The following STK32B variants were observed in gnomAD, a reference collection of about 807,000 sequenced individuals.
The protein encoded by STK32B is serine/threonine-protein kinase 32B.
A neutral mutation model predicts 52.6 loss-of-function variants in STK32B; 43 were observed. The observed-to-expected ratio is 0.82, with a 90% confidence interval of 0.64 to 1.05. The LOEUF is 1.05. STK32B is among the 50% of genes least tolerant of loss of function. The pLI, the probability that STK32B is intolerant of heterozygous loss-of-function variation, is 0.00. For synonymous variants in STK32B, 238 were observed against 204.3 expected (o/e 1.17, Z -1.41); for missense variants, 621 against 534.6 (o/e 1.16, Z -1.59).
intron 4 of STK32B, among the ~76,000 whole-genome samples, chr4:5,377,091 T>C (rs979619583): frequency 1.3e-5 from 2 of 152,192 alleles, no homozygotes; most frequent in African/African-American, 4.8e-5. Context: ...CACTTCATCC[T>C]GAGGACTGCA....
intron 9 of STK32B, among the ~76,000 whole-genome samples, chr4:5,462,388 G>C (rs967498578): frequency 2.0e-4 from 30 of 148,506 alleles, no homozygotes; most frequent in Non-Finnish European, 4.3e-4. Context: ...CTGTGCATCT[G>C]TGTGTGTGTG....
At chr4:5,239,810 G>C (rs1258757237) in intron 3 of STK32B, among the ~76,000 whole-genome samples, 1 of 151,462 alleles carries the variant, frequency 6.6e-6, no homozygotes, top group African/African-American at 2.4e-5. Context: ...TCTGGTCCCT[G>C]GTCTCCAACT....
chr4:5,480,703 G>C (rs1718619569), intron 11 of STK32B, among the ~76,000 whole-genome samples: 1 of 151,924 alleles, frequency 6.6e-6, no homozygotes, highest in Non-Finnish European at 1.5e-5. Context: ...TTTAACATTA[G>C]GTATATCTCC....
chr4:5,171,172 A>G (rs1719340339), intron 3 of STK32B, among the ~76,000 whole-genome samples: 1 of 151,188 alleles, frequency 6.6e-6, no homozygotes, highest in Admixed American at 6.6e-5. Flanking sequence ...TTTTCTTGTA[A>G]ATTTGTTTGA....
intron 6 of STK32B, among the ~76,000 whole-genome samples, chr4:5,432,626 A>G (rs907929256): frequency 2.0e-5 from 3 of 152,168 alleles, no homozygotes; most frequent in Non-Finnish European, 4.4e-5. Context: ...AATATAGTAT[A>G]TCCTATTCTT....
chr4:5,281,410 G>A (rs1440810398), intron 3 of STK32B, among the ~76,000 whole-genome samples: 1 of 152,056 alleles, frequency 6.6e-6, no homozygotes, highest in Non-Finnish European at 1.5e-5. Context: ...ATGGACAAAG[G>A]GAGGGGAACA....
chr4:5,093,601 T>C (rs975117131), intron 1 of STK32B, among the ~76,000 whole-genome samples: 2 of 152,116 alleles, frequency 1.3e-5, no homozygotes, highest in Admixed American at 6.5e-5. Context: ...TTAGGAGATA[T>C]ACCTAATGTT....
chr4:5,484,347 CTTCT>C (rs1254257908), intron 11 of STK32B, among the ~76,000 whole-genome samples: 3 of 151,984 alleles, frequency 2.0e-5, no homozygotes, highest in African/African-American at 4.8e-5. Context: ...ATGTAATGGC[CTTCT>C]TTGTCTCTTT....
chr4:5,495,164 AG>A (rs1466463552), intron 11 of STK32B, among the ~76,000 whole-genome samples: 2 of 152,198 alleles, frequency 1.3e-5, no homozygotes, highest in Non-Finnish European at 2.9e-5. Flanking sequence ...AATATCCTGC[AG>A]AGTGTTTTCC....
intron 6 of STK32B, among the ~76,000 whole-genome samples, chr4:5,425,026 G>A (rs906409449): frequency 2.0e-5 from 3 of 152,190 alleles, no homozygotes; most frequent in Non-Finnish European, 4.4e-5. Context: ...GGAGGGAGCC[G>A]GCGCTCGTGC....
intron 1 of STK32B, among the ~76,000 whole-genome samples, chr4:5,064,155 T>G (rs960387884): frequency 6.6e-6 from 1 of 151,154 alleles, no homozygotes; most frequent in South Asian, 2.1e-4. Context: ...TTTAATTTAG[T>G]CATACTTATT....
At chr4:5,024,012 A>C in the STK32B span, among the ~76,000 whole-genome samples, 1 of 152,196 alleles carries the variant, frequency 6.6e-6, no homozygotes, top group Admixed American at 6.5e-5. Flanking sequence ...GGTTTTCTGG[A>C]AAGTGCAATT....
intron 2 of STK32B, among the ~76,000 whole-genome samples, chr4:5,145,569 A>G (rs567420722): frequency 2.0e-5 from 3 of 152,342 alleles, no homozygotes; most frequent in African/African-American, 4.8e-5. Flanking sequence ...TCTAAAATTT[A>G]GTATAAAATG....
rs79056531 is a variant in STK32B, at chr4:5,319,427, A to C, written c.261-11793A>C. 3.3e-5 allele frequency among the ~76,000 whole-genome samples: 5 copies of C among 152,108 alleles called. No individual in the cohort carries two copies. The South Asian group carries it at 1.0e-3, about 32-fold the overall frequency. Reference sequence around the variant, plus strand: ...GCCAGAGCAGCTGTTCCAAAACTCAAATCTGACAAGGACTTTCTCCTGTTT... The same window carrying C: ...GCCAGAGCAGCTGTTCCAAAACTCACATCTGACAAGGACTTTCTCCTGTTT... On this transcript the variant is annotated intron_variant, in intron 3 of 11. Transcript: ENST00000282908.
At chr4:5,220,790 G>A (rs936449817) in intron 3 of STK32B, among the ~76,000 whole-genome samples, 1 of 152,154 alleles carries the variant, frequency 6.6e-6, no homozygotes, top group East Asian at 1.9e-4. Context: ...GAGGCAGGGA[G>A]GTCGTGAGAT....
intron 1 of STK32B, among the ~76,000 whole-genome samples, chr4:5,118,027 C>T (rs1360128968): frequency 6.6e-6 from 1 of 152,088 alleles, no homozygotes; most frequent in East Asian, 1.9e-4. Context: ...TTTCTTGTAG[C>T]GTCCTTGTCT....
At chr4:5,473,377 C>T (rs952703534) in intron 11 of STK32B, among the ~76,000 whole-genome samples, 9 of 152,202 alleles carry the variant, frequency 5.9e-5, no homozygotes, top group Non-Finnish European at 8.8e-5. Flanking sequence ...CAGTGGCAGG[C>T]GTGGCATAGA....
intron 3 of STK32B, among the ~76,000 whole-genome samples, chr4:5,207,144 G>A (rs972511885): frequency 1.3e-5 from 2 of 152,120 alleles, no homozygotes; most frequent in African/African-American, 4.8e-5. Flanking sequence ...TGGAACAGCC[G>A]GGACAGAGAC....
intron 3 of STK32B, among the ~76,000 whole-genome samples, chr4:5,225,605 C>A (rs1340341136): frequency 1.3e-5 from 2 of 152,058 alleles, no homozygotes; most frequent in African/African-American, 2.4e-5. Context: ...CTGACAGGTT[C>A]AGAACCTTAG....
Sources: allele counts gnomAD v4.1 joint callset (sites outside exome capture counted in the v4.1 genomes callset), GRCh38; gene constraint gnomAD v4.1.1; transcripts MANE v1.5; gene names NCBI Gene and HGNC (gene_info 2026-07-23, HGNC 2026-07-21).